The following SLC4A5 variants were observed in gnomAD, a reference collection of about 807,000 sequenced individuals.
SLC4A5 encodes solute carrier family 4 member 5.
In SLC4A5, 96 loss-of-function variants were observed where a neutral mutation model predicts 120.4. The observed-to-expected ratio is 0.80, with a 90% CI of 0.68 to 0.94. SLC4A5 has a LOEUF of 0.94. Among genes scored for constraint, SLC4A5 ranks in the 40% least tolerant of loss-of-function variants. The probability of loss-of-function intolerance (pLI) is 0.00; values close to 1 mark genes in which losing one functional copy is unlikely to be tolerated. For missense variants in SLC4A5, 1,259 were observed against 1,459.5 expected, an observed-to-expected ratio of 0.86 and a Z score of 2.24; for synonymous variants, 550 against 571.1, an observed-to-expected ratio of 0.96 and a Z score of 0.53.
rs1312126080 is a variant in SLC4A5, at chr2:74,224,137, G to A, written c.3246+703C>T. ...TTTTGTGGGGACAGTTTCATCATAA[G>A]TAATGAACACATGAATTAAGAATCT... On this transcript the variant is annotated intron_variant, in intron 28 of 30. Transcript: ENST00000394019. Among the ~76,000 whole-genome samples, 3 of 152,210 alleles carry A rather than the reference G, an allele frequency of 2.0e-5. No homozygotes were observed. In the East Asian group the frequency reaches 5.8e-4, roughly 29 times the overall value.
intron 5 of SLC4A5, among the ~76,000 whole-genome samples, chr2:74,316,942 G>A (rs1672984007): frequency 6.6e-6 from 1 of 152,188 alleles, no homozygotes; most frequent in African/African-American, 2.4e-5. Flanking sequence ...AACGTATAAT[G>A]CCTAATGTAA....
intron 5 of SLC4A5, among the ~76,000 whole-genome samples, chr2:74,320,725 T>C (rs181598616): frequency 5.2e-4 from 79 of 152,108 alleles, no homozygotes; most frequent in African/African-American, 1.7e-3. Context: ...CCACAAAAGA[T>C]AGGCAAAGGA....
At chr2:74,318,287 T>A (rs1435555125) in intron 5 of SLC4A5, among the ~76,000 whole-genome samples, 1 of 152,116 alleles carries the variant, frequency 6.6e-6, no homozygotes, top group Non-Finnish European at 1.5e-5. Context: ...GACACATAAA[T>A]GGCCAACAAA....
At chr2:74,331,451 G>A (rs1013315761) in intron 4 of SLC4A5, among the ~76,000 whole-genome samples, 2 of 151,734 alleles carry the variant, frequency 1.3e-5, no homozygotes, top group Non-Finnish European at 2.9e-5. Context: ...TGATAGTGAT[G>A]AAGGAAGGAG....
chr2:74,310,104 A>G (rs945095914), intron 6 of SLC4A5, among the ~76,000 whole-genome samples: 1 of 152,150 alleles, frequency 6.6e-6, no homozygotes, highest in African/African-American at 2.4e-5. Context: ...TCAAATTCCA[A>G]TGGCTGGTAT....
intron 16 of SLC4A5, 144 bp downstream of exon 16, chr2:74,252,035 G>A: frequency 1.1e-6 from 1 of 893,760 alleles, no homozygotes; most frequent in Non-Finnish European, 1.7e-6. Context: ...CCATGATGGG[G>A]TTCAAGGGCT....
intron 20 of SLC4A5, 61 bp from the exon 21 acceptor site, chr2:74,239,596 T>C (rs2103943239): frequency 1.9e-6 from 3 of 1,544,288 alleles, no homozygotes; most frequent in Non-Finnish European, 2.7e-6. Context: ...AGCTGTGTCC[T>C]TCCCACTGCA....
intron 12 of SLC4A5, among the ~76,000 whole-genome samples, chr2:74,258,356 G>A (rs1395343511): frequency 2.6e-5 from 4 of 152,208 alleles, no homozygotes; most frequent in African/African-American, 7.2e-5. Context: ...GCTAGGTGAT[G>A]GGTTCCAATC....
intron 7 of SLC4A5, among the ~76,000 whole-genome samples, chr2:74,292,240 G>A (rs964444243): frequency 4.6e-5 from 7 of 152,180 alleles, no homozygotes; most frequent in African/African-American, 1.4e-4. Context: ...GCCAGCAGGT[G>A]AGATGCTTCC....
intron 7 of SLC4A5, among the ~76,000 whole-genome samples, chr2:74,299,754 T>C (rs1057137410): frequency 1.3e-5 from 2 of 152,206 alleles, no homozygotes; most frequent in East Asian, 1.9e-4. Context: ...AAGGGAACAC[T>C]TGTGCACTGT....
chr2:74,236,911 G>A (rs1284538575), intron 21 of SLC4A5, among the ~76,000 whole-genome samples: 1 of 151,742 alleles, frequency 6.6e-6, no homozygotes, highest in Non-Finnish European at 1.5e-5. Flanking sequence ...CTACCAATCT[G>A]ATGAGTATAA....
chr2:74,258,064 G>A (rs895958767), intron 12 of SLC4A5, among the ~76,000 whole-genome samples: 2 of 152,194 alleles, frequency 1.3e-5, no homozygotes, highest in African/African-American at 4.8e-5. Context: ...CCAGGGCCCT[G>A]CTGACTCCAC....
chr2:74,272,034 G>A (rs1000309562), intron 8 of SLC4A5, among the ~76,000 whole-genome samples: 3 of 152,082 alleles, frequency 2.0e-5, no homozygotes, highest in African/African-American at 4.8e-5. Context: ...AGCTGTGATC[G>A]CACCACTGCA....
rs1671223748 is a variant in SLC4A5 at position 74,264,068 on chromosome 2, T to G, written c.715+79A>C. 2.6e-6 allele frequency: 4 copies of G among 1,521,112 alleles called. No homozygotes were observed. In the South Asian group the frequency reaches 5.2e-5, roughly 20 times the overall value. 94.2% of individuals were successfully genotyped at this position (1,521,112 alleles called of 1,614,324 possible). On this transcript the variant is annotated intron_variant, in intron 10 of 30. Coordinates refer to ENST00000394019, the Ensembl canonical transcript of SLC4A5. The stretch of plus-strand genomic sequence containing the variant: ...AATTTCTCCAGAAACTCCCAGCCCC[T>G]AAGGTGGGCTCACCCGGGTACCAGG...
chr2:74,263,634 C>A (rs1021311354), intron 10 of SLC4A5, among the ~76,000 whole-genome samples: 13 of 152,204 alleles, frequency 8.5e-5, no homozygotes, highest in African/African-American at 2.7e-4. Flanking sequence ...AGCCCTGGCA[C>A]TCTTGAGATA....
intron 8 of SLC4A5, among the ~76,000 whole-genome samples, chr2:74,284,925 A>T (rs1169891125): frequency 1.3e-5 from 2 of 152,132 alleles, no homozygotes; most frequent in East Asian, 3.8e-4. Flanking sequence ...TTTTCCCACC[A>T]TTCAGACTTG....
chr2:74,241,124 T>G (rs897434599), intron 20 of SLC4A5, among the ~76,000 whole-genome samples: 3 of 151,826 alleles, frequency 2.0e-5, no homozygotes, highest in Non-Finnish European at 4.4e-5. Context: ...CTGCTAGAAA[T>G]TGGGGGTCCT....
In SLC4A5 at chr2:74,219,345, T is replaced by C. The variant is rs556325460; in HGVS notation, c.*34-553A>G. 2.0e-5 allele frequency among the ~76,000 whole-genome samples: 3 copies of C among 152,282 alleles called. No homozygotes were observed. The East Asian group carries it at 5.8e-4, about 29-fold the overall frequency. ...CTTTCTTAGATTCTCAAAACGAGGC[T>C]ACTCCCTCCCTGTGTACTCCGATAT... On this transcript the variant is annotated intron_variant, in intron 30 of 30. Transcript: ENST00000394019.
chr2:74,237,026 G>C (rs1670290030), intron 21 of SLC4A5, among the ~76,000 whole-genome samples: 1 of 150,186 alleles, frequency 6.7e-6, no homozygotes, highest in South Asian at 2.1e-4. Context: ...GCCCAGGCTG[G>C]AGTGCAGTGG....
Sources: gnomAD v4.1 joint callset for allele counts (sites outside exome capture counted in the v4.1 genomes callset) on GRCh38, gnomAD v4.1.1 for gene constraint, MANE v1.5 for transcripts, NCBI Gene and HGNC (gene_info 2026-07-23, HGNC 2026-07-21) for gene names.